The following DDX10 variants were observed in gnomAD, a reference collection of about 807,000 sequenced individuals.
The protein encoded by DDX10 is probable ATP-dependent RNA helicase DDX10.
Under a neutral mutation model 104.3 loss-of-function variants are expected in DDX10, and 74 were observed. That is an observed-to-expected ratio of 0.71 (90% CI 0.59 to 0.86). The LOEUF is 0.86. Among genes scored for constraint, DDX10 ranks in the 40% least tolerant of loss-of-function variants. The pLI is 0.00. For synonymous variants in DDX10, 351 were observed against 353.4 expected (o/e 0.99, Z 0.08); for missense variants, 952 against 1,040.0 (o/e 0.92, Z 1.16).
intron 13 of DDX10, among the ~76,000 whole-genome samples, chr11:108,830,338 T>C: frequency 6.6e-6 from 1 of 152,168 alleles, no homozygotes; most frequent in Admixed American, 6.5e-5. Context: ...AGAGGTTGAG[T>C]TCTTGATTTG....
At chr11:108,905,457 T>C (rs1030108039) in intron 16 of DDX10, among the ~76,000 whole-genome samples, 4 of 152,294 alleles carry the variant, frequency 2.6e-5, no homozygotes, top group African/African-American at 9.6e-5. Flanking sequence ...GGGAGTCCTT[T>C]TTTTTCAATT....
intron 6 of DDX10, among the ~76,000 whole-genome samples, chr11:108,688,355 C>T (rs2094247528): frequency 6.6e-6 from 1 of 152,202 alleles, no homozygotes; most frequent in Non-Finnish European, 1.5e-5. Flanking sequence ...CACCTAGATA[C>T]TATCTAATGG....
intron 16 of DDX10, among the ~76,000 whole-genome samples, chr11:108,912,860 A>G (rs1231393770): frequency 2.0e-5 from 3 of 152,138 alleles, no homozygotes; most frequent in African/African-American, 7.2e-5. Context: ...TCCACCTCAC[A>G]TGTCAATTGT....
intron 6 of DDX10, among the ~76,000 whole-genome samples, chr11:108,683,380 C>T (rs776833492): frequency 9.2e-5 from 14 of 152,278 alleles, no homozygotes; most frequent in Non-Finnish European, 1.6e-4. Context: ...TGTGTTTAGG[C>T]TTAAGGCTGC....
At chr11:108,812,979 TAAA>T (rs60528070) in intron 13 of DDX10, among the ~76,000 whole-genome samples, 2 of 66,482 alleles carry the variant, frequency 3.0e-5, no homozygotes, top group Non-Finnish European at 2.9e-5. Flanking sequence ...GACTCCATCT[TAAA>T]AAAAAAAAAA....
In DDX10 at chr11:108,719,781, AC is replaced by A. The variant is rs1565257636; in HGVS notation, c.1411-14del. ...AATTTCTATTATATTGTACTTTTCAACCTCTTAATTTACAGTGTTTCGTCTC... is the reference window on the plus strand; with the variant it reads ...AATTTCTATTATATTGTACTTTTCAACTCTTAATTTACAGTGTTTCGTCTC... On this transcript the variant is annotated splice_polypyrimidine_tract_variant and intron_variant, in intron 11 of 17. Coordinates refer to ENST00000322536, the MANE Select transcript of DDX10 (RefSeq NM_004398.4). The A allele has an allele frequency of 6.7e-7, 1 of 1,482,570 alleles. No homozygotes were observed. Among genetic ancestry groups the A allele is most frequent in the South Asian group, 1.1e-5 (1 of 87,040 alleles). The allele number at this position is 1,482,570 out of a possible 1,614,324, so 91.8% of individuals were successfully genotyped here.
At chr11:108,734,074 G>A (rs193188758) in intron 13 of DDX10, among the ~76,000 whole-genome samples, 16 of 152,056 alleles carry the variant, frequency 1.1e-4, no homozygotes, top group Admixed American at 1.0e-3. Flanking sequence ...ACTGACCTCT[G>A]GATTCCAATG....
intron 13 of DDX10, among the ~76,000 whole-genome samples, chr11:108,792,603 C>T (rs1011411373): frequency 1.3e-5 from 2 of 152,034 alleles, no homozygotes; most frequent in African/African-American, 4.8e-5. Flanking sequence ...GAGTGTATAT[C>T]CTATTCCTTT....
At chr11:108,765,683 A>G (rs926321051) in intron 13 of DDX10, among the ~76,000 whole-genome samples, 2 of 152,238 alleles carry the variant, frequency 1.3e-5, no homozygotes, top group African/African-American at 4.8e-5. Context: ...ACACTTGCTC[A>G]TGCACTTTTT....
intron 15 of DDX10, among the ~76,000 whole-genome samples, chr11:108,842,339 C>T (rs892573606): frequency 6.6e-6 from 1 of 152,118 alleles, no homozygotes; most frequent in African/African-American, 2.4e-5. Context: ...CAGTGAGAAA[C>T]ACCTGAGAAA....
intron 13 of DDX10, among the ~76,000 whole-genome samples, chr11:108,771,107 G>A (rs781366693): frequency 1.1e-4 from 16 of 152,160 alleles, no homozygotes; most frequent in Non-Finnish European, 1.8e-4. Flanking sequence ...GATTAGTGAT[G>A]TTGAGCACCT....
chr11:108,816,918 A>G (rs1204148809), intron 13 of DDX10, among the ~76,000 whole-genome samples: 2 of 152,178 alleles, frequency 1.3e-5, no homozygotes, highest in Admixed American at 1.3e-4. Flanking sequence ...TCTTCATAGC[A>G]GGCAACCCCC....
rs141151797 is a variant in DDX10 at position 108,723,447 on chromosome 11, C to T, written c.1950C>T (p.Asp650=). The T allele has an allele frequency of 4.5e-5, 73 of 1,610,988 alleles. No individual in the cohort carries two copies. The highest frequency in any genetic ancestry group is 5.4e-5 in the African/African-American group (4 of 74,734). The stretch of plus-strand genomic sequence containing the variant: ...ATGTGTTTGGATTGGACCTTAAAGA[C>T]GAGAAAACATTACAGGTAAGTTTAC... The part of the protein sequence containing the change: ...RHNVFGLDLK[D]EKTLQKKEPS... The change falls in exon 13 of 18, where the codon GAC becomes GAT. Residue 650 remains aspartate, a synonymous_variant. Coordinates refer to ENST00000322536, the MANE Select transcript of DDX10 (RefSeq NM_004398.4).
At position 108,940,341 on chromosome 11, in the gene DDX10, A is replaced by G. The variant is rs1864092075; in HGVS notation, c.2546A>G (p.Asp849Gly). The change falls in exon 18 of 18, where the codon GAC (aspartate) becomes GGC (glycine). Residue 849 changes from aspartate to glycine, a missense_variant. Physicochemically the swap from Asp to Gly is moderately conservative, Grantham distance 94. Around this residue, in one of 3 missense-constraint regions of DDX10, gnomAD observed 533 missense variants for 534.1 expected, o/e 1.00. Coordinates refer to ENST00000322536, the MANE Select transcript of DDX10 (RefSeq NM_004398.4). ...TSHNRKKARW[D>G]TLEPLDTGLS... The stretch of plus-strand genomic sequence containing the variant: ...CATAACAGAAAGAAGGCCAGGTGGG[A>G]CACTTTAGAGCCTTTGGATACCGGC... 1 of 1,614,108 alleles carries G rather than the reference A, an allele frequency of 6.2e-7. No individual in the cohort carries two copies. Among genetic ancestry groups the G allele is most frequent in the Admixed American group, 1.7e-5 (1 of 60,022 alleles).
At chr11:108,736,849 T>C (rs574141476) in intron 13 of DDX10, among the ~76,000 whole-genome samples, 7 of 152,322 alleles carry the variant, frequency 4.6e-5, no homozygotes, top group African/African-American at 1.2e-4. Flanking sequence ...TATTTTGTTA[T>C]AGCAGCACAA....
Position 108,940,556 on chromosome 11 carries a change from C to T in DDX10, c.*133C>T, listed in dbSNP as rs542715014. The T allele has an allele frequency of 3.9e-5, 32 of 811,742 alleles. 1 individual carries two copies. Among genetic ancestry groups the T allele is most frequent in the Middle Eastern group, 3.8e-4 (1 of 2,624 alleles). The allele number at this position is 811,742 out of a possible 1,614,324, so 50.3% of individuals were successfully genotyped here. A position where few individuals can be genotyped will look rare whatever the true frequency, so the allele number is the denominator to read the frequency against. Reference sequence around the variant, plus strand: ...CAAAGGGCACATTTCTGGATAGAAGCGATCGTATCTCCAAGTCCCTCTCAC... The same window carrying T: ...CAAAGGGCACATTTCTGGATAGAAGTGATCGTATCTCCAAGTCCCTCTCAC... On this transcript the variant is annotated 3_prime_UTR_variant, in exon 18 of 18. Coordinates refer to ENST00000322536, the MANE Select transcript of DDX10 (RefSeq NM_004398.4).
chr11:108,693,961 A>G (rs554611728), intron 9 of DDX10, among the ~76,000 whole-genome samples: 3 of 152,288 alleles, frequency 2.0e-5, no homozygotes, highest in South Asian at 2.1e-4. Context: ...CTGAAATCTC[A>G]GTACCAAACC....
intron 16 of DDX10, among the ~76,000 whole-genome samples, chr11:108,909,775 G>T (rs980145438): frequency 6.6e-6 from 1 of 152,116 alleles, no homozygotes; most frequent in Non-Finnish European, 1.5e-5. Flanking sequence ...GGCACCTGTT[G>T]GTACCTGTTG....
intron 9 of DDX10, among the ~76,000 whole-genome samples, chr11:108,697,712 A>C (rs1201966193): frequency 6.6e-6 from 1 of 152,194 alleles, no homozygotes; most frequent in Admixed American, 6.5e-5. Flanking sequence ...CTATCCTGTG[A>C]TACATTCTGT....
Sources: allele counts gnomAD v4.1 joint callset (sites outside exome capture counted in the v4.1 genomes callset), GRCh38; gene constraint gnomAD v4.1.1; regional missense constraint gnomAD v4.1.1; transcripts MANE v1.5; gene names NCBI Gene and HGNC (gene_info 2026-07-23, HGNC 2026-07-21).